PCDHGC3: variants seen among roughly 807,000 people sequenced by gnomAD.
The protein encoded by PCDHGC3 is protocadherin gamma subfamily C, 3.
In PCDHGC3, 26 loss-of-function variants were observed where a neutral mutation model predicts 59.2. The ratio of observed to expected loss-of-function variants is 0.44; its 90% CI spans 0.32 to 0.61. The LOEUF is 0.61. PCDHGC3 is among the 20% of genes least tolerant of loss of function. The probability of loss-of-function intolerance (pLI) is 0.05; values close to 1 mark genes in which losing one functional copy is unlikely to be tolerated. For synonymous variants in PCDHGC3, 487 were observed against 519.7 expected, an observed-to-expected ratio of 0.94 and a Z score of 0.86; for missense variants, 1,080 against 1,221.8, an observed-to-expected ratio of 0.88 and a Z score of 1.73.
intron 1 of PCDHGC3, among the ~76,000 whole-genome samples, chr5:141,483,526 G>A (rs2099582495): frequency 6.6e-6 from 1 of 152,118 alleles, no homozygotes; most frequent in African/African-American, 2.4e-5. Flanking sequence ...TCCTGACTAA[G>A]GAAGCTGGGT....
chr5:141,510,813 C>G, intron 3 of PCDHGC3, 134 bp from the exon 4 acceptor site: 2 of 1,537,024 alleles, frequency 1.3e-6, no homozygotes, highest in Non-Finnish European at 1.8e-6. Context: ...CTTGGTGACC[C>G]CTATATTCCC....
chr5:141,483,869 G>A (rs2099587910), intron 1 of PCDHGC3, among the ~76,000 whole-genome samples: 1 of 152,126 alleles, frequency 6.6e-6, no homozygotes, highest in South Asian at 2.1e-4. Flanking sequence ...GTCCAGATCA[G>A]GATGGATTTT....
At chr5:141,481,913 CAAA>C (rs34114744) in intron 1 of PCDHGC3, among the ~76,000 whole-genome samples, 50 of 90,788 alleles carry the variant, frequency 5.5e-4, no homozygotes, top group African/African-American at 7.1e-4. Flanking sequence ...AACTCCATCT[CAAA>C]AAAAAAAAAA....
chr5:141,503,392 C>T lies in PCDHGC3; in HGVS notation c.2490-2001C>T, dbSNP rs554732406. 1.2e-4 allele frequency among the ~76,000 whole-genome samples: 18 copies of T among 151,870 alleles called. No individual in the cohort carries two copies. The South Asian group carries it at 3.5e-3, about 30-fold the overall frequency. On this transcript the variant is annotated intron_variant, in intron 2 of 3. Transcript: ENST00000308177. ...CAGGTGGATCATGAGGTCAGGAGTT[C>T]GAAACCAACCTGGCCAATATGGTGA...
rs765887978 is a variant in PCDHGC3 at position 141,486,476 on chromosome 5, C to T, written c.2430+7930C>T. The T allele has an allele frequency of 8.7e-6, 14 of 1,613,934 alleles. No homozygotes were observed. The highest frequency in any genetic ancestry group is 1.7e-5 in the Admixed American group (1 of 60,016). ...TGCTTCTGATGCTGGGAACCCTCCT[C>T]TCAGTACCCACAGAACTATTTTCCT... On this transcript the variant is annotated intron_variant, in intron 1 of 3. Transcript: ENST00000308177. This position sits in a 1 kb window ranked among gnomAD's most constrained non-coding sequence, Gnocchi z 5.0.
At chr5:141,509,344 T>A (rs2099876374) in intron 3 of PCDHGC3, among the ~76,000 whole-genome samples, 1 of 152,202 alleles carries the variant, frequency 6.6e-6, no homozygotes, top group Admixed American at 6.5e-5. Flanking sequence ...GGGCCTGGGC[T>A]GGCCTGGGCA....
intron 2 of PCDHGC3, among the ~76,000 whole-genome samples, chr5:141,504,179 A>C (rs1247627456): frequency 6.6e-6 from 1 of 152,240 alleles, no homozygotes; most frequent in Non-Finnish European, 1.5e-5. Context: ...AATTCAAAAA[A>C]ATCATGAAAA....
At chr5:141,510,322 A>G (rs62379243) in intron 3 of PCDHGC3, among the ~76,000 whole-genome samples, 36,300 of 150,290 alleles carry the variant, frequency 0.24, 4,456 homozygotes, top group Admixed American at 0.32. Flanking sequence ...TTGGAAGAGC[A>G]CTCTTCACCC....
Position 141,503,999 on chromosome 5 carries a change from C to T in PCDHGC3, c.2490-1394C>T, listed in dbSNP as rs569153055. On this transcript the variant is annotated intron_variant, in intron 2 of 3. Coordinates refer to ENST00000308177, the MANE Select transcript of PCDHGC3 (RefSeq NM_002588.4). Reference sequence around the variant, plus strand: ...AACCCTTCTTCTTACCTTACAGTCACTTAACTGTCTCTGCTGGTCTCTTCC... The same window carrying T: ...AACCCTTCTTCTTACCTTACAGTCATTTAACTGTCTCTGCTGGTCTCTTCC... 2.0e-5 allele frequency among the ~76,000 whole-genome samples: 3 copies of T among 152,286 alleles called. No individual in the cohort carries two copies. The South Asian group carries it at 6.2e-4, about 32-fold the overall frequency.
chr5:141,499,012 G>GGAAGGAAT, intron 2 of PCDHGC3, among the ~76,000 whole-genome samples: 1 of 147,618 alleles, frequency 6.8e-6, no homozygotes. Context: ...AAGGAAGGAA[G>GGAAGGAAT]GAAGGAAGGA....
At chr5:141,488,198 G>C (rs1007623840) in intron 1 of PCDHGC3, among the ~76,000 whole-genome samples, 1 of 152,166 alleles carries the variant, frequency 6.6e-6, no homozygotes, top group Non-Finnish European at 1.5e-5. Flanking sequence ...CTGGGTCTTA[G>C]GACTCATATC....
rs765047622 is a variant in PCDHGC3 at position 141,486,776 on chromosome 5, G to A, written c.2431-8031G>A. On this transcript the variant is annotated intron_variant, in intron 1 of 3. Coordinates refer to ENST00000308177, the MANE Select transcript of PCDHGC3 (RefSeq NM_002588.4). This position sits in a 1 kb window ranked among gnomAD's most constrained non-coding sequence, Gnocchi z 5.0. ...GCAAACCCAGACACTGCAGTTTGAGGTGCAGGCCCGGGATCGGGGCAACCC... is the reference window on the plus strand; with the variant it reads ...GCAAACCCAGACACTGCAGTTTGAGATGCAGGCCCGGGATCGGGGCAACCC... 1.2e-6 allele frequency: 2 copies of A among 1,614,254 alleles called. No individual in the cohort carries two copies. Among genetic ancestry groups the A allele is most frequent in the Non-Finnish European group, 1.7e-6 (2 of 1,180,050 alleles).
chr5:141,484,000 G>C (rs1425172275), intron 1 of PCDHGC3, among the ~76,000 whole-genome samples: 1 of 147,812 alleles, frequency 6.8e-6, no homozygotes, highest in Admixed American at 6.8e-5. Context: ...TGGGAGGTCT[G>C]GATGAGGGTG....
chr5:141,499,932 C>A (rs1169727162), intron 2 of PCDHGC3, among the ~76,000 whole-genome samples: 1 of 152,076 alleles, frequency 6.6e-6, no homozygotes, highest in Non-Finnish European at 1.5e-5. Context: ...AAGTGATCCA[C>A]CCTCCTCGGC....
chr5:141,477,059 A>G lies in PCDHGC3; in HGVS notation c.943A>G (p.Thr315Ala). Residue 315 changes from threonine (T) to alanine (A), a missense_variant, in exon 1 of 4, where the codon ACC (threonine) becomes GCC (alanine). By Grantham distance (58) the Thr-to-Ala change is moderately conservative. Coordinates refer to ENST00000308177, the MANE Select transcript of PCDHGC3 (RefSeq NM_002588.4). This position sits in a 1 kb window ranked among gnomAD's most constrained non-coding sequence, Gnocchi z 4.9. ...CAAGGGTCGGCTGGACTTCGAGGAC[A>G]CCAAACTCCATGAGATTTACATCCA... ...TIKGRLDFED[T>A]KLHEIYIQAK... is the part of the protein sequence containing the mutation. The G allele has an allele frequency of 1.2e-6, 2 of 1,614,238 alleles. No individual in the cohort carries two copies. Among genetic ancestry groups the G allele is most frequent in the Non-Finnish European group, 1.7e-6 (2 of 1,180,036 alleles).
Position 141,490,667 on chromosome 5 carries a change from T to C in PCDHGC3, c.2431-4140T>C, listed in dbSNP as rs906656199. The stretch of plus-strand genomic sequence containing the variant: ...CCTCCGGGCTCCCTTCTTTGCACTG[T>C]GGCTGCCTCAGATCCAGACACTGGG... On this transcript the variant is annotated intron_variant, in intron 1 of 3. Transcript: ENST00000308177. This position sits in a 1 kb window ranked among gnomAD's most constrained non-coding sequence, Gnocchi z 5.4. The C allele has an allele frequency of 6.8e-6, 11 of 1,614,206 alleles. 1 individual carries two copies. The highest frequency in any genetic ancestry group is 4.5e-5 in the East Asian group (2 of 44,876).
rs553276457 is a variant in PCDHGC3 at position 141,480,179 on chromosome 5, G to A, written c.2430+1633G>A. Among the ~76,000 whole-genome samples, 10 of 152,058 alleles carry A rather than the reference G, an allele frequency of 6.6e-5. No individual in the cohort carries two copies. In the South Asian group the frequency reaches 8.3e-4, roughly 13 times the overall value. On this transcript the variant is annotated intron_variant, in intron 1 of 3. Transcript: ENST00000308177. ...AGCATTTTGGGAGGCTGAGGCAGGC[G>A]GATTGCTTGAGGCCAGCAGTTCAAG... is the stretch of plus-strand genomic sequence containing the variant.
chr5:141,485,687 C>T lies in PCDHGC3; in HGVS notation c.2430+7141C>T. 1 of 1,614,066 alleles carries T rather than the reference C, an allele frequency of 6.2e-7. No individual in the cohort carries two copies. Among genetic ancestry groups the T allele is most frequent in the Non-Finnish European group, 8.5e-7 (1 of 1,179,966 alleles). ...GAGCAATTCGATTAGCAGCTATAGG[C>T]TGAGCTCCAATGAACACTTTGCACT... On this transcript the variant is annotated intron_variant, in intron 1 of 3. Transcript: ENST00000308177. The surrounding 1 kb of genome is among the most constrained non-coding windows in gnomAD (Gnocchi z 5.7).
At chr5:141,506,805 G>A (rs1314432893) in intron 3 of PCDHGC3, among the ~76,000 whole-genome samples, 1 of 152,172 alleles carries the variant, frequency 6.6e-6, no homozygotes, top group African/African-American at 2.4e-5. Flanking sequence ...GAGGATCAAG[G>A]CATTGCCCTA....
Sources: allele counts gnomAD v4.1 joint callset (sites outside exome capture counted in the v4.1 genomes callset), GRCh38; gene constraint gnomAD v4.1.1; non-coding constraint Gnocchi (gnomAD v3.1); transcripts MANE v1.5; gene names NCBI Gene and HGNC (gene_info 2026-07-23, HGNC 2026-07-21).